The following BABAM2 variants were observed in gnomAD, a reference collection of about 807,000 sequenced individuals.
BABAM2 encodes BRISC and BRCA1-A complex member 2.
BABAM2 carries 31 observed loss-of-function variants against 54.7 expected under a neutral mutation model. That is an observed-to-expected ratio of 0.57 (90% CI 0.43 to 0.77). The LOEUF (loss-of-function observed/expected upper bound fraction) is 0.77. Among genes scored for constraint, BABAM2 ranks in the 30% least tolerant of loss-of-function variants. BABAM2 has a pLI of 0.00. For synonymous variants in BABAM2, 167 were observed against 162.9 expected (o/e 1.03, Z -0.19); for missense variants, 364 against 455.8 (o/e 0.80, Z 1.83).
rs541432494 is a variant in BABAM2 at position 28,202,606 on chromosome 2, C to T, written c.681-34596C>T. Among the ~76,000 whole-genome samples the T allele has an allele frequency of 3.3e-3, 509 of 152,172 alleles. 2 individuals are homozygous for T. The highest frequency in any genetic ancestry group is 0.012 in the African/African-American group (485 of 41,508). Reference sequence around the variant, plus strand: ...CTTAGTAATGTTGTTCTAGTTTATGCGATGGGAACATTTTAGTTGGGGCTT... The same window carrying T: ...CTTAGTAATGTTGTTCTAGTTTATGTGATGGGAACATTTTAGTTGGGGCTT... On this transcript the variant is annotated intron_variant, in intron 7 of 11. Coordinates refer to ENST00000379624, the MANE Select transcript of BABAM2 (RefSeq NM_199191.3).
chr2:28,089,894 T>TG (rs1415703208), intron 6 of BABAM2, among the ~76,000 whole-genome samples: 1 of 151,722 alleles, frequency 6.6e-6, no homozygotes, highest in Non-Finnish European at 1.5e-5. Flanking sequence ...CTGTGGTATT[T>TG]TTTTTCTTTG....
At chr2:28,274,966 G>A (rs748395901) in intron 10 of BABAM2, among the ~76,000 whole-genome samples, 29 of 152,202 alleles carry the variant, frequency 1.9e-4, no homozygotes, top group Non-Finnish European at 3.4e-4. Context: ...ACTGCAGGGG[G>A]TGGCTGCTTA....
At chr2:28,214,100 C>T (rs1679719305) in intron 7 of BABAM2, among the ~76,000 whole-genome samples, 1 of 152,098 alleles carries the variant, frequency 6.6e-6, no homozygotes, top group South Asian at 2.1e-4. Context: ...TTGACATTGG[C>T]ATGTTACTGC....
chr2:27,906,072 C>T (rs1442162063), intron 2 of BABAM2, among the ~76,000 whole-genome samples: 1 of 152,152 alleles, frequency 6.6e-6, no homozygotes, highest in African/African-American at 2.4e-5. Context: ...ATAGATAATG[C>T]AGGGAGTTCT....
At chr2:28,115,773 G>A (rs1668562385) in intron 6 of BABAM2, among the ~76,000 whole-genome samples, 1 of 152,064 alleles carries the variant, frequency 6.6e-6, no homozygotes, top group Non-Finnish European at 1.5e-5. Flanking sequence ...ATGACATGGA[G>A]TGTGGGAACC....
chr2:28,273,955 C>T (rs879792593), intron 10 of BABAM2, among the ~76,000 whole-genome samples: 17 of 152,172 alleles, frequency 1.1e-4, no homozygotes, highest in African/African-American at 3.9e-4. Flanking sequence ...AAGGGGAAGG[C>T]GTCATGTGCT....
At chr2:28,025,461 A>G (rs1472161270) in intron 5 of BABAM2, 41 bp downstream of exon 5, 4 of 1,493,690 alleles carry the variant, frequency 2.7e-6, no homozygotes, top group East Asian at 2.3e-5. Flanking sequence ...GACTTCATCC[A>G]TAATAAAATA....
At chr2:27,890,459 C>T (rs559551018), upstream of BABAM2, 1 of 1,009,972 alleles carries the variant, frequency 9.9e-7, no homozygotes. The surrounding 1 kb of genome is among the most constrained non-coding windows in gnomAD (Gnocchi z 4.8). Context: ...CAGACGCCTA[C>T]GCGGGTCGCC....
intron 6 of BABAM2, among the ~76,000 whole-genome samples, chr2:28,094,150 T>C (rs1197170322): frequency 6.6e-6 from 1 of 152,194 alleles, no homozygotes; most frequent in Non-Finnish European, 1.5e-5. Flanking sequence ...TATTAAAAAT[T>C]AATAAAAAAT....
chr2:28,051,914 T>A (rs1381816783), intron 6 of BABAM2, among the ~76,000 whole-genome samples: 1 of 152,004 alleles, frequency 6.6e-6, no homozygotes, highest in East Asian at 1.9e-4. Flanking sequence ...CCTCCCAAGG[T>A]TCTGGGATTA....
At chr2:28,183,023 G>A (rs1222846266) in intron 7 of BABAM2, among the ~76,000 whole-genome samples, 1 of 152,204 alleles carries the variant, frequency 6.6e-6, no homozygotes, top group Non-Finnish European at 1.5e-5. Flanking sequence ...AAGATTGTCA[G>A]TAATAAAGTA....
intron 8 of BABAM2, among the ~76,000 whole-genome samples, chr2:28,239,708 A>T (rs1335425490): frequency 6.6e-6 from 1 of 152,238 alleles, no homozygotes; most frequent in East Asian, 1.9e-4. Flanking sequence ...ATGTCAGCTG[A>T]TGTATGCAAA....
intron 3 of BABAM2, among the ~76,000 whole-genome samples, chr2:27,937,328 A>T (rs925496108): frequency 6.6e-6 from 1 of 152,196 alleles, no homozygotes; most frequent in African/African-American, 2.4e-5. Context: ...GGATTTCACC[A>T]TGTTGGCCAG....
chr2:28,311,490 T>C lies in BABAM2; in HGVS notation c.1088+12999T>C, dbSNP rs189626837. On this transcript the variant is annotated intron_variant, in intron 11 of 11. Coordinates refer to ENST00000379624, the MANE Select transcript of BABAM2 (RefSeq NM_199191.3). ...TATGATAAACCATAGTAGGAACATATGCTATTAATGGAATCAGAGTTCCTT... is the reference window on the plus strand; with the variant it reads ...TATGATAAACCATAGTAGGAACATACGCTATTAATGGAATCAGAGTTCCTT... 8.1e-4 allele frequency among the ~76,000 whole-genome samples: 123 copies of C among 152,300 alleles called. 1 individual carries two copies. The highest frequency in any genetic ancestry group is 2.5e-3 in the African/African-American group (102 of 41,574).
At chr2:28,263,259 G>C (rs888222553) in intron 10 of BABAM2, among the ~76,000 whole-genome samples, 10 of 151,934 alleles carry the variant, frequency 6.6e-5, no homozygotes, top group African/African-American at 2.2e-4. Context: ...TATATGCAAA[G>C]TACTGTGCTA....
At chr2:28,275,144 ATTTTCC>A (rs1685765063) in intron 10 of BABAM2, among the ~76,000 whole-genome samples, 1 of 152,020 alleles carries the variant, frequency 6.6e-6, no homozygotes, top group Non-Finnish European at 1.5e-5. Context: ...CAGTGATTTC[ATTTTCC>A]TCTTCTAAAG....
intron 6 of BABAM2, among the ~76,000 whole-genome samples, chr2:28,090,321 C>T (rs139785891): frequency 2.0e-4 from 31 of 152,172 alleles, no homozygotes; most frequent in African/African-American, 6.3e-4. Flanking sequence ...CTTGGCTCAC[C>T]GCAACCTCCC....
intron 3 of BABAM2, among the ~76,000 whole-genome samples, chr2:27,963,044 ATTCCTT>A (rs1269573285): frequency 6.6e-6 from 1 of 152,250 alleles, no homozygotes; most frequent in Non-Finnish European, 1.5e-5. Context: ...CCATACCAAA[ATTCCTT>A]TTATAGTGTT....
At chr2:28,220,147 C>G (rs765341505) in intron 7 of BABAM2, among the ~76,000 whole-genome samples, 1 of 152,176 alleles carries the variant, frequency 6.6e-6, no homozygotes, top group African/African-American at 2.4e-5. Context: ...CGAAGCCCAG[C>G]TGGTCTGTGG....
Sources: gnomAD v4.1 joint callset for allele counts (sites outside exome capture counted in the v4.1 genomes callset) on GRCh38, gnomAD v4.1.1 for gene constraint, Gnocchi (gnomAD v3.1) non-coding constraint, MANE v1.5 for transcripts, NCBI Gene and HGNC (gene_info 2026-07-23, HGNC 2026-07-21) for gene names.